The following ZC3HAV1 variants were observed in gnomAD, a reference collection of about 807,000 sequenced individuals.
ZC3HAV1 encodes zinc finger CCCH-type containing, antiviral 1.
ZC3HAV1 carries 41 observed loss-of-function variants against 86.6 expected under a neutral mutation model. That is an observed-to-expected ratio of 0.47 (90% confidence interval 0.37 to 0.61). The LOEUF (loss-of-function observed/expected upper bound fraction) is 0.61. ZC3HAV1 is among the 20% of genes least tolerant of loss of function. The pLI, the probability that ZC3HAV1 is intolerant of heterozygous loss-of-function variation, is 0.00. For synonymous variants in ZC3HAV1, 421 were observed against 432.1 expected (o/e 0.97, Z 0.32); for missense variants, 964 against 1,141.1 (o/e 0.84, Z 2.24).
At chr7:139,101,513 A>AGGAG (rs1817770879) in intron 1 of ZC3HAV1, among the ~76,000 whole-genome samples, 1 of 31,798 alleles carries the variant, frequency 3.1e-5, no homozygotes. Context: ...TGGGAGGTGT[A>AGGAG]CCCAACAGCT....
intron 2 of ZC3HAV1, among the ~76,000 whole-genome samples, chr7:139,085,576 A>G (rs970535923): frequency 3.3e-5 from 5 of 152,248 alleles, no homozygotes; most frequent in African/African-American, 1.2e-4. Context: ...CAAAGCAATC[A>G]ATGAAGTGAC....
At chr7:139,067,551 T>G (rs968529189) in intron 7 of ZC3HAV1, among the ~76,000 whole-genome samples, 2 of 152,060 alleles carry the variant, frequency 1.3e-5, no homozygotes, top group African/African-American at 4.8e-5. Flanking sequence ...CAATGGAGAC[T>G]CAGAAGGATA....
At chr7:139,101,458 C>G in intron 1 of ZC3HAV1, among the ~76,000 whole-genome samples, 1 of 119,238 alleles carries the variant, frequency 8.4e-6, no homozygotes, top group Non-Finnish European at 1.7e-5. Flanking sequence ...CCCTGCCGCC[C>G]CGTCTGGGAT....
intron 8 of ZC3HAV1, among the ~76,000 whole-genome samples, chr7:139,062,959 G>A (rs1816487821): frequency 6.8e-6 from 1 of 147,688 alleles, no homozygotes; most frequent in African/African-American, 2.5e-5. Context: ...AACCTGGGAG[G>A]CAGAGGTTGC....
In ZC3HAV1 at chr7:139,047,320, T is replaced by C; in HGVS notation, c.*274A>G. 1 of 310,456 alleles carries C rather than the reference T, an allele frequency of 3.2e-6. No homozygotes were observed. Among genetic ancestry groups the C allele is most frequent in the Non-Finnish European group, 5.6e-6 (1 of 178,372 alleles). The allele number at this position is 310,456 out of a possible 1,614,324, so 19.2% of individuals were successfully genotyped here. On this transcript the variant is annotated 3_prime_UTR_variant, in exon 13 of 13. Coordinates refer to ENST00000242351, the MANE Select transcript of ZC3HAV1 (RefSeq NM_020119.4). ...CTCCAGCCTGGACGATGGAGTGAGA[T>C]TCAGTCTCAAAAAAAAAAAAAAAAA...
At chr7:139,061,160 A>G in intron 8 of ZC3HAV1, 22 bp from the exon 9 acceptor site, 1 of 1,603,750 alleles carries the variant, frequency 6.2e-7, no homozygotes, top group Non-Finnish European at 8.5e-7. Context: ...AAAAAAAATA[A>G]AAGCAGTGAG....
Position 139,043,515 on chromosome 7 carries a change from C to A in ZC3HAV1, c.*4079G>T, listed in dbSNP as rs1447515223. 1 of 152,186 alleles carries A rather than the reference C, an allele frequency of 6.6e-6. No individual in the cohort carries two copies. The allele number at this position is 152,186 out of a possible 1,614,324, so 9.4% of individuals were successfully genotyped here. A position where few individuals can be genotyped will look rare whatever the true frequency, so the allele number is the denominator to read the frequency against. Reference sequence around the variant, plus strand: ...AATAGATCAAATAAAGGCAGTAGAACCAAATTAATTACTTCTTTTTATTAG... The same window carrying A: ...AATAGATCAAATAAAGGCAGTAGAAACAAATTAATTACTTCTTTTTATTAG... On this transcript the variant is annotated 3_prime_UTR_variant, in exon 13 of 13. Coordinates refer to ENST00000242351, the MANE Select transcript of ZC3HAV1 (RefSeq NM_020119.4).
intron 1 of ZC3HAV1, among the ~76,000 whole-genome samples, chr7:139,106,544 G>A (rs1223090032): frequency 6.6e-6 from 1 of 152,146 alleles, no homozygotes; most frequent in Admixed American, 6.6e-5. Flanking sequence ...AACCTGGGAG[G>A]CAGAGTTTGC....
rs1025833679 is a variant in ZC3HAV1, at chr7:139,044,456, A to G, written c.*3138T>C. ...TTTCATTATAAATTTCTTCTTTTCTATTTCTCCTTAATAAGAGAGTTAGGG... is the reference window on the plus strand; with the variant it reads ...TTTCATTATAAATTTCTTCTTTTCTGTTTCTCCTTAATAAGAGAGTTAGGG... On this transcript the variant is annotated 3_prime_UTR_variant, in exon 13 of 13. Coordinates refer to ENST00000242351, the MANE Select transcript of ZC3HAV1 (RefSeq NM_020119.4). The G allele has an allele frequency of 2.6e-5, 4 of 152,096 alleles. No homozygotes were observed. The highest frequency in any genetic ancestry group is 6.6e-5 in the Admixed American group (1 of 15,260). 9.4% of individuals were successfully genotyped at this position (152,096 alleles called of 1,614,324 possible).
chr7:139,066,094 G>T (rs1388228117), intron 7 of ZC3HAV1, among the ~76,000 whole-genome samples: 2 of 152,132 alleles, frequency 1.3e-5, no homozygotes, highest in South Asian at 4.1e-4. Flanking sequence ...CAGGGTGGGC[G>T]ATCAGGGCAC....
chr7:139,057,531 C>CTTTTTTT (rs1294729334), intron 9 of ZC3HAV1, among the ~76,000 whole-genome samples: 1 of 78,570 alleles, frequency 1.3e-5, no homozygotes, highest in Non-Finnish European at 2.5e-5. Context: ...AAAACAATTA[C>CTTTTTTT]ATTTTTTTTT....
Position 139,079,759 on chromosome 7 carries a change from A to G in ZC3HAV1, c.1182T>C (p.Pro394=), listed in dbSNP as rs776795143. The stretch of plus-strand genomic sequence containing the variant: ...TGCCCTTTCTGGTGGTCACAGCTTC[A>G]GGTGTTTGCAGAGAGCCAAGAGAAG... The part of the protein sequence containing the change: ...ARSSLGSLQT[P]EAVTTRKGTG... The change falls in exon 4 of 13, where the codon CCT becomes CCC. Residue 394 remains proline, a synonymous_variant. Coordinates refer to ENST00000242351, the MANE Select transcript of ZC3HAV1 (RefSeq NM_020119.4). 9 of 1,614,052 alleles carry G rather than the reference A, an allele frequency of 5.6e-6. No individual in the cohort carries two copies. In the Admixed American group the frequency reaches 1.3e-4, roughly 24 times the overall value.
At chr7:139,068,027 A>T (rs1030657327) in intron 7 of ZC3HAV1, among the ~76,000 whole-genome samples, 44 of 48,110 alleles carry the variant, frequency 9.1e-4, no homozygotes, top group African/African-American at 5.1e-4. Flanking sequence ...TTCTTTCTTT[A>T]TTATTATTAT....
intron 1 of ZC3HAV1, among the ~76,000 whole-genome samples, chr7:139,101,087 C>A (rs903301087): frequency 2.0e-5 from 3 of 152,200 alleles, no homozygotes; most frequent in Non-Finnish European, 4.4e-5. Context: ...GCGAGTGATC[C>A]GCCAGCCTCG....
chr7:139,063,086 G>GC (rs1270653057), intron 8 of ZC3HAV1, among the ~76,000 whole-genome samples: 1 of 139,054 alleles, frequency 7.2e-6, no homozygotes, highest in Non-Finnish European at 1.6e-5. Context: ...AAAAGAAAAA[G>GC]CCATCTGGAA....
Position 139,047,366 on chromosome 7 carries a change from G to C in ZC3HAV1, c.*228C>G. On this transcript the variant is annotated 3_prime_UTR_variant, in exon 13 of 13. Transcript: ENST00000242351. The stretch of plus-strand genomic sequence containing the variant: ...AAAAAAAAAAATACAACTGCCTGGC[G>C]CTGACGCCCAGAAATGATTTCATTG... 2.0e-6 allele frequency: 1 copy of C among 499,908 alleles called. No homozygotes were observed. The highest frequency in any genetic ancestry group is 3.5e-6 in the Non-Finnish European group (1 of 289,784). The allele number at this position is 499,908 out of a possible 1,614,324, so 31.0% of individuals were successfully genotyped here. A position where few individuals can be genotyped will look rare whatever the true frequency, so the allele number is the denominator to read the frequency against.
intron 7 of ZC3HAV1, among the ~76,000 whole-genome samples, chr7:139,071,521 A>T (rs1326250705): frequency 6.6e-6 from 1 of 152,208 alleles, no homozygotes; most frequent in Admixed American, 6.5e-5. Context: ...GCTTATTTTT[A>T]TTTTAACCAA....
At position 139,079,529 on chromosome 7, in the gene ZC3HAV1, T is replaced by C. The variant is rs138786712; in HGVS notation, c.1412A>G (p.Asp471Gly). 1 of 1,614,218 alleles carries C rather than the reference T, an allele frequency of 6.2e-7. No individual in the cohort carries two copies. The highest frequency in any genetic ancestry group is 8.5e-7 in the Non-Finnish European group (1 of 1,180,042). Residue 471 changes from aspartate (D) to glycine (G), a missense_variant, in exon 4 of 13, where the codon GAT becomes GGT. Asp to Gly is a moderately conservative substitution (Grantham distance 94). Transcript: ENST00000242351. ...RIQDAGPASR[D>G]VQATGRIADD... ...TGCGATTCTGCCAGTGGCCTGGACA[T>C]CTCGGGAAGCAGGTCCAGCATCCTG...
chr7:139,065,007 G>GA lies in ZC3HAV1; in HGVS notation c.1873-9dup, dbSNP rs551920871. 7 of 1,608,156 alleles carry GA rather than the reference G, an allele frequency of 4.4e-6. No individual in the cohort carries two copies. The highest frequency in any genetic ancestry group is 5.9e-6 in the Non-Finnish European group (7 of 1,178,228). On this transcript the variant is annotated splice_polypyrimidine_tract_variant and intron_variant, in intron 7 of 12. Coordinates refer to ENST00000242351, the MANE Select transcript of ZC3HAV1 (RefSeq NM_020119.4). ...ATTTTTCCGTTTGTCTTTCTAATTGGAAAAAAAATAAAAGGTAAAGTCAGG... is the reference window on the plus strand; with the variant it reads ...ATTTTTCCGTTTGTCTTTCTAATTGGAAAAAAAAATAAAAGGTAAAGTCAGG...
Sources: gnomAD v4.1 joint callset for allele counts (sites outside exome capture counted in the v4.1 genomes callset) on GRCh38, gnomAD v4.1.1 for gene constraint, MANE v1.5 for transcripts, NCBI Gene and HGNC (gene_info 2026-07-23, HGNC 2026-07-21) for gene names.